GCNT1: variants seen among roughly 807,000 people sequenced by gnomAD.
The protein encoded by GCNT1 is beta-1,3-galactosyl-O-glycosyl-glycoprotein beta-1,6-N-acetylglucosaminyltransferase.
Under a neutral mutation model 26.2 loss-of-function variants are expected in GCNT1, and 16 were observed. The observed-to-expected ratio is 0.61, with a 90% confidence interval of 0.41 to 0.93. The LOEUF (loss-of-function observed/expected upper bound fraction) is 0.93. Among genes scored for constraint, GCNT1 ranks in the 40% least tolerant of loss-of-function variants. The pLI is 0.00. For synonymous variants in GCNT1, 183 were observed against 190.8 expected (o/e 0.96, Z 0.34); for missense variants, 477 against 526.7 (o/e 0.91, Z 0.92).
the GCNT1 span, among the ~76,000 whole-genome samples, chr9:76,403,516 AAC>A: frequency 1.3e-4 from 20 of 152,358 alleles, no homozygotes; most frequent in South Asian, 4.1e-3. Flanking sequence ...ATGAACCTAG[AAC>A]TGCGGTGACA....
upstream of GCNT1, among the ~76,000 whole-genome samples, chr9:76,415,950 CTAT>C (rs1175172102): frequency 2.6e-5 from 4 of 152,236 alleles, no homozygotes; most frequent in East Asian, 7.7e-4. Context: ...CAGCAGCCAA[CTAT>C]TATTGATATG....
the GCNT1 span, among the ~76,000 whole-genome samples, chr9:76,413,668 G>GTTTT: frequency 3.6e-5 from 3 of 84,210 alleles, no homozygotes; most frequent in Non-Finnish European, 7.7e-5. Context: ...TTTTTTTTTT[G>GTTTT]TTTTTTTTTT....
At chr9:76,425,870 C>T (rs764219834) in intron 1 of GCNT1, among the ~76,000 whole-genome samples, 39 of 151,928 alleles carry the variant, frequency 2.6e-4, no homozygotes, top group Non-Finnish European at 5.3e-4. Context: ...GAGTGGGGGC[C>T]ACAAGATCAG....
chr9:76,421,593 C>G (rs1043488614), intron 1 of GCNT1, among the ~76,000 whole-genome samples: 1 of 121,298 alleles, frequency 8.2e-6, no homozygotes, highest in East Asian at 2.1e-4. Context: ...AGAGCAAGGC[C>G]CTGTCTCAAA....
In GCNT1 at chr9:76,502,409, C is replaced by T. The variant is rs1649163442; in HGVS notation, c.28C>T (p.Leu10Phe). Residue 10 changes from leucine (L) to phenylalanine (F), a missense_variant, in exon 4 of 4, where the codon CTT becomes TTT. Physicochemically the swap from Leu to Phe is conservative, Grantham distance 22. Transcript: ENST00000376730. MLRTLLRRR[L>F]FSYPTKYYFM... ...GCTGAGGACGTTGCTGCGAAGGAGA[C>T]TTTTTTCTTATCCCACCAAATACTA... 2 of 1,612,676 alleles carry T rather than the reference C, an allele frequency of 1.2e-6. No homozygotes were observed. The highest frequency in any genetic ancestry group is 1.7e-6 in the Non-Finnish European group (2 of 1,179,160).
chr9:76,446,411 A>G (rs1444366005), intron 1 of GCNT1, among the ~76,000 whole-genome samples: 1 of 152,196 alleles, frequency 6.6e-6, no homozygotes, highest in Non-Finnish European at 1.5e-5. Context: ...CAATCTTCTT[A>G]GAGTTTAAAT....
At chr9:76,472,073 C>T (rs978707290) in intron 2 of GCNT1, among the ~76,000 whole-genome samples, 1 of 152,116 alleles carries the variant, frequency 6.6e-6, no homozygotes, top group East Asian at 1.9e-4. Flanking sequence ...GTCAGGAGTT[C>T]GAGACCAGCC....
intron 2 of GCNT1, among the ~76,000 whole-genome samples, chr9:76,491,848 A>C (rs1409881335): frequency 5.3e-5 from 8 of 152,204 alleles, no homozygotes; most frequent in African/African-American, 1.9e-4. Context: ...TCCCTCAAGG[A>C]GTAGCGCCTG....
chr9:76,424,143 T>C (rs1823232389), intron 1 of GCNT1, among the ~76,000 whole-genome samples: 1 of 152,226 alleles, frequency 6.6e-6, no homozygotes, highest in Non-Finnish European at 1.5e-5. Context: ...TCCATCCTTA[T>C]AGACAGGCAA....
chr9:76,488,686 T>C (rs1308056001), intron 2 of GCNT1, among the ~76,000 whole-genome samples: 3 of 152,208 alleles, frequency 2.0e-5, no homozygotes, highest in Non-Finnish European at 2.9e-5. Flanking sequence ...GGTTTCATCA[T>C]GTTGGCCAGG....
At chr9:76,467,338 A>G (rs772596730) in intron 2 of GCNT1, among the ~76,000 whole-genome samples, 2 of 152,282 alleles carry the variant, frequency 1.3e-5, no homozygotes, top group East Asian at 1.9e-4. Flanking sequence ...CACCTCACCC[A>G]GCCTCAGCTG....
chr9:76,427,687 A>T (rs910806047), intron 1 of GCNT1, among the ~76,000 whole-genome samples: 4 of 152,210 alleles, frequency 2.6e-5, no homozygotes, highest in African/African-American at 7.2e-5. Context: ...CCTGATAATA[A>T]AAATTAAAAG....
At chr9:76,461,781 C>G (rs986652424) in intron 2 of GCNT1, among the ~76,000 whole-genome samples, 2 of 151,258 alleles carry the variant, frequency 1.3e-5, no homozygotes, top group Non-Finnish European at 2.9e-5. Context: ...CCTAGCTACT[C>G]AGGAGGCTGA....
chr9:76,415,919 T>G (rs1014079209), upstream of GCNT1, among the ~76,000 whole-genome samples: 2 of 152,166 alleles, frequency 1.3e-5, no homozygotes, highest in Non-Finnish European at 2.9e-5. Flanking sequence ...TCATGCTTCC[T>G]GGTAATCACA....
intron 2 of GCNT1, among the ~76,000 whole-genome samples, chr9:76,479,633 A>G (rs1472812291): frequency 3.9e-5 from 6 of 152,160 alleles, no homozygotes; most frequent in Admixed American, 3.3e-4. Context: ...ATTTTTTCAT[A>G]TGCCTGTTGG....
chr9:76,394,567 C>A, the GCNT1 span: 1 of 164,810 alleles, frequency 6.1e-6, no homozygotes, highest in South Asian at 1.6e-4. Context: ...TGGCCCCGCC[C>A]CGCCGCTGCC....
chr9:76,488,012 G>A (rs924982302), intron 2 of GCNT1, among the ~76,000 whole-genome samples: 1 of 152,248 alleles, frequency 6.6e-6, no homozygotes, highest in Non-Finnish European at 1.5e-5. Context: ...AGGATCAGAG[G>A]CATGAGCCAT....
At chr9:76,400,131 A>G in the GCNT1 span, among the ~76,000 whole-genome samples, 1,873 of 152,304 alleles carry the variant, frequency 0.012, 13 homozygotes, top group Non-Finnish European at 0.017. Context: ...CAGTGAAACT[A>G]TTCTGTATGA....
chr9:76,434,187 G>T (rs79269138), intron 1 of GCNT1, among the ~76,000 whole-genome samples: 1 of 152,114 alleles, frequency 6.6e-6, no homozygotes, highest in African/African-American at 2.4e-5. Flanking sequence ...TAAGGATTTC[G>T]AGTATCCACT....
Sources: allele counts gnomAD v4.1 joint callset (sites outside exome capture counted in the v4.1 genomes callset), GRCh38; gene constraint gnomAD v4.1.1; transcripts MANE v1.5; gene names NCBI Gene and HGNC (gene_info 2026-07-23, HGNC 2026-07-21).